LINS1: variants seen among roughly 807,000 people sequenced by gnomAD.
LINS1 encodes protein Lines homolog 1.
LINS1 carries 27 observed loss-of-function variants against 41.6 expected under a neutral mutation model. That is an observed-to-expected ratio of 0.65 (90% confidence interval 0.48 to 0.89). The LOEUF is 0.89. LINS1 is among the 40% of genes least tolerant of loss of function. LINS1 has a pLI of 0.00. For missense variants in LINS1, 955 were observed against 884.1 expected (o/e 1.08, Z -1.02); for synonymous variants, 336 against 312.9 (o/e 1.07, Z -0.78).
In LINS1 at chr15:100,569,647, G is replaced by A. The variant is rs768536736; in HGVS notation, c.1865C>T (p.Ala622Val). 6.2e-7 allele frequency: 1 copy of A among 1,613,212 alleles called. No individual in the cohort carries two copies. The highest frequency in any genetic ancestry group is 1.7e-5 in the Admixed American group (1 of 59,980). ...GTCGTAATCTACCAGACTTTGAGAGGCCCGGGGGGAAGACAGACTAGAAGC... is the reference window on the plus strand; with the variant it reads ...GTCGTAATCTACCAGACTTTGAGAGACCCGGGGGGAAGACAGACTAGAAGC... ...MCASSLSSPR[A>V]SQSLVDYDSS... Residue 622 changes from alanine (A) to valine (V), a missense_variant, in exon 7 of 7, where the codon GCC (alanine) becomes GTC (valine). Physicochemically the swap from Ala to Val is moderately conservative, Grantham distance 64 (BLOSUM62 0). Coordinates refer to ENST00000314742, the MANE Select transcript of LINS1 (RefSeq NM_001040616.3).
chr15:100,601,648 T>G (rs183289662), intron 1 of LINS1, among the ~76,000 whole-genome samples: 34 of 152,214 alleles, frequency 2.2e-4, no homozygotes, highest in Admixed American at 1.0e-3. Flanking sequence ...CTGATAATTT[T>G]GTGTTTGTTT....
In LINS1 at chr15:100,570,104, T is replaced by C. The variant is rs370259917; in HGVS notation, c.1408A>G (p.Thr470Ala). The change falls in exon 7 of 7, where the codon ACT (threonine) becomes GCT (alanine). Residue 470 changes from threonine (T) to alanine (A), a missense_variant. Thr to Ala is a moderately conservative substitution (Grantham distance 58, BLOSUM62 0). Transcript: ENST00000314742. ...YLTLTRGCEA[T>A]ESLTQGKEMW... The stretch of plus-strand genomic sequence containing the variant: ...TCTTTTCCCTGAGTCAAGCTTTCAG[T>C]GGCTTCACATCCTCTGAAAATGAAG... 1.9e-6 allele frequency: 3 copies of C among 1,586,952 alleles called. No individual in the cohort carries two copies. Among genetic ancestry groups the C allele is most frequent in the Middle Eastern group, 1.7e-4 (1 of 5,900 alleles).
intron 3 of LINS1, among the ~76,000 whole-genome samples, chr15:100,578,967 C>T (rs1216880734): frequency 1.3e-5 from 2 of 151,526 alleles, no homozygotes; most frequent in Non-Finnish European, 2.9e-5. Context: ...TAGGTGGGAA[C>T]TGAACAATGA....
chr15:100,600,722 T>C (rs567052049), intron 1 of LINS1, among the ~76,000 whole-genome samples: 6 of 152,170 alleles, frequency 3.9e-5, no homozygotes, highest in Non-Finnish European at 8.8e-5. Context: ...GAAATATGAT[T>C]GCTGGGAAGT....
chr15:100,573,377 C>A, intron 5 of LINS1: 1 of 1,235,710 alleles, frequency 8.1e-7, no homozygotes, highest in South Asian at 2.7e-5. Context: ...AATTGATTTC[C>A]ATCACTTACT....
intron 5 of LINS1, 123 bp downstream of exon 5, chr15:100,573,528 A>T (rs1333067055): frequency 2.6e-6 from 2 of 769,354 alleles, no homozygotes; most frequent in Admixed American, 6.3e-5. Context: ...AATAAGTTAC[A>T]AATAGGATAA....
chr15:100,569,704 G>A lies in LINS1; in HGVS notation c.1808C>T (p.Ala603Val). The A allele has an allele frequency of 6.2e-7, 1 of 1,613,954 alleles. No individual in the cohort carries two copies. The highest frequency in any genetic ancestry group is 8.5e-7 in the Non-Finnish European group (1 of 1,179,908). ...GGTGTGAGCCCCCTTGGACATCACA[G>A]CTTTCAGTGGTTCAGAGGGAGCATC... Reference protein sequence around the residue: ...ASDAPSEPLKAVMSKGAHTMC... With the variant: ...ASDAPSEPLKVVMSKGAHTMC... Residue 603 changes from alanine to valine, a missense_variant, in exon 7 of 7, where the codon GCT becomes GTT. Coordinates refer to ENST00000314742, the MANE Select transcript of LINS1 (RefSeq NM_001040616.3).
chr15:100,586,227 T>G (rs2038795677), intron 1 of LINS1: 1 of 152,262 alleles, frequency 6.6e-6, no homozygotes, highest in African/African-American at 2.4e-5. Flanking sequence ...CACCTACCTG[T>G]GACCTGGAAG....
chr15:100,580,869 G>C lies in LINS1; in HGVS notation c.-27C>G. 6.3e-7 allele frequency: 1 copy of C among 1,598,680 alleles called. No homozygotes were observed. Among genetic ancestry groups the C allele is most frequent in the Non-Finnish European group, 8.5e-7 (1 of 1,170,298 alleles). ...TTGACTTCCAAAATGTATCTTATAA[G>C]AAGGTCGACAACTCCAAGTTGTAAA... is the stretch of plus-strand genomic sequence containing the variant. On this transcript the variant is annotated 5_prime_UTR_variant, in exon 2 of 7. Transcript: ENST00000314742.
intron 1 of LINS1, among the ~76,000 whole-genome samples, chr15:100,591,704 G>A (rs1273145630): frequency 2.6e-5 from 4 of 151,870 alleles, no homozygotes; most frequent in Admixed American, 2.0e-4. Flanking sequence ...ATTTCCTCTC[G>A]CCTAGAAACC....
At chr15:100,601,283 A>G (rs78611605) in intron 1 of LINS1, among the ~76,000 whole-genome samples, 4,414 of 152,278 alleles carry the variant, frequency 0.029, 245 homozygotes, top group East Asian at 0.24. Context: ...GAGGCTGGGA[A>G]GTCTAAGACT....
intron 6 of LINS1, among the ~76,000 whole-genome samples, chr15:100,571,609 A>G (rs2037827828): frequency 6.6e-6 from 1 of 152,230 alleles, no homozygotes; most frequent in Non-Finnish European, 1.5e-5. Flanking sequence ...ATGAACAACA[A>G]TTAAGATTCA....
Position 100,575,016 on chromosome 15 carries a change from AT to A in LINS1, c.601del (p.Ile201SerfsTer13). ...TTTCTGTGAACATGAATCTTTAAAG[AT>A]TTCTTTTATTATTGCTGTAAGAGTC... ...LWTLTAIIKEIFKDSCSQKTE... is the reference protein window; with the variant it reads ...LWTLTAIIKEXFKDSCSQKTE... On this transcript the variant is annotated frameshift_variant, in exon 4 of 7. Coordinates refer to ENST00000314742, the MANE Select transcript of LINS1 (RefSeq NM_001040616.3). LOFTEE classifies it high-confidence loss of function. 6.2e-7 allele frequency: 1 copy of A among 1,612,916 alleles called. No individual in the cohort carries two copies. Among genetic ancestry groups the A allele is most frequent in the Non-Finnish European group, 8.5e-7 (1 of 1,179,528 alleles).
intron 6 of LINS1, chr15:100,570,547 G>A (rs1363275973): frequency 6.4e-6 from 1 of 156,066 alleles, no homozygotes; most frequent in African/African-American, 2.4e-5. Flanking sequence ...TGTGACCCAA[G>A]TGGGTTAATC....
chr15:100,572,193 C>T, intron 5 of LINS1, 128 bp from the exon 6 acceptor site: 1 of 1,509,714 alleles, frequency 6.6e-7, no homozygotes, highest in Non-Finnish European at 8.8e-7. Context: ...TTCAAAAAGT[C>T]ATCAGGAATC....
chr15:100,586,803 A>G (rs2038819963), intron 1 of LINS1, among the ~76,000 whole-genome samples: 2 of 152,154 alleles, frequency 1.3e-5, no homozygotes, highest in Non-Finnish European at 2.9e-5. Flanking sequence ...AGAGAATTGG[A>G]GACATTTGGC....
Position 100,580,727 on chromosome 15 carries a change from T to C in LINS1, c.116A>G (p.Gln39Arg). 6.2e-7 allele frequency: 1 copy of C among 1,611,864 alleles called. No homozygotes were observed. The highest frequency in any genetic ancestry group is 8.5e-7 in the Non-Finnish European group (1 of 1,178,260). Residue 39 changes from glutamine (Q) to arginine (R), a missense_variant, in exon 2 of 7, where the codon CAA (glutamine) becomes CGA (arginine). Gln to Arg is a conservative substitution (Grantham distance 43). Transcript: ENST00000314742. The stretch of plus-strand genomic sequence containing the variant: ...TAAGGAGGTGGCTGTAGAACAATCT[T>C]GATCTGAAACTGCTGGGTTGAGATA... The part of the protein sequence containing the change: ...IFYLNPAVSD[Q>R]DCSTATSLEW...
chr15:100,573,847 C>T lies in LINS1; in HGVS notation c.1026G>A (p.Leu342=). Residue 342 remains leucine, a synonymous_variant, in exon 5 of 7, where the codon TTG becomes TTA. Coordinates refer to ENST00000314742, the MANE Select transcript of LINS1 (RefSeq NM_001040616.3). ...VDMLALANAV[L]QAVNSGLLKT... is the part of the protein sequence containing the mutation. ...TCAACAACCCCGAATTCACAGCTTG[C>T]AAAACAGCATTAGCTAAAGCCAGCA... 1 of 1,614,218 alleles carries T rather than the reference C, an allele frequency of 6.2e-7. No individual in the cohort carries two copies. Among genetic ancestry groups the T allele is most frequent in the South Asian group, 1.1e-5 (1 of 91,086 alleles).
chr15:100,598,539 T>C (rs1298710455), intron 1 of LINS1, among the ~76,000 whole-genome samples: 1 of 152,186 alleles, frequency 6.6e-6, no homozygotes, highest in Non-Finnish European at 1.5e-5. Flanking sequence ...TGAAGCACCA[T>C]CTTAAAATGG....
Sources: allele counts gnomAD v4.1 joint callset (sites outside exome capture counted in the v4.1 genomes callset), GRCh38; gene constraint gnomAD v4.1.1; transcripts MANE v1.5; gene names NCBI Gene and HGNC (gene_info 2026-07-23, HGNC 2026-07-21).